Variants in POT1 observed in about 807,000 individuals in gnomAD.
The protein encoded by POT1 is protection of telomeres protein 1.
POT1 carries 47 observed loss-of-function variants against 78.5 expected under a neutral mutation model. The observed-to-expected ratio is 0.60, with a 90% CI of 0.47 to 0.76. The LOEUF (loss-of-function observed/expected upper bound fraction) is 0.76. POT1 is among the 30% of genes least tolerant of loss of function. The pLI, the probability that POT1 is intolerant of heterozygous loss-of-function variation, is 0.00. For synonymous variants in POT1, 259 were observed against 260.7 expected (o/e 0.99, Z 0.06); for missense variants, 646 against 749.9 (o/e 0.86, Z 1.62).
At chr7:124,825,389 G>A in intron 17 of POT1, 32 bp from the exon 18 acceptor site, 5 of 1,341,120 alleles carry the variant, frequency 3.7e-6, no homozygotes, top group Non-Finnish European at 5.3e-6. Context: ...AAAAAAAAAG[G>A]AAATAATATT....
chr7:124,867,747 A>G (rs1453906168), intron 7 of POT1, among the ~76,000 whole-genome samples: 2 of 151,984 alleles, frequency 1.3e-5, no homozygotes, highest in African/African-American at 4.8e-5. Flanking sequence ...CCCGGGTTCA[A>G]GCAATTCTCC....
At chr7:124,911,287 G>T (rs971033692) in intron 3 of POT1, among the ~76,000 whole-genome samples, 22 of 152,080 alleles carry the variant, frequency 1.4e-4, no homozygotes, top group Admixed American at 6.6e-5. Flanking sequence ...GGATTCATTT[G>T]GAGCAATTAA....
intron 3 of POT1, among the ~76,000 whole-genome samples, chr7:124,902,713 T>G (rs995635551): frequency 7.9e-5 from 12 of 152,138 alleles, no homozygotes; most frequent in African/African-American, 2.9e-4. Flanking sequence ...ATGCTCCAAT[T>G]AAAAGACACA....
At chr7:124,845,473 T>C (rs1337254139) in intron 12 of POT1, among the ~76,000 whole-genome samples, 3 of 152,210 alleles carry the variant, frequency 2.0e-5, no homozygotes, top group Non-Finnish European at 4.4e-5. Context: ...TGCTTCTCAG[T>C]GCATCACATC....
At chr7:124,904,239 C>T (rs572669023) in intron 3 of POT1, among the ~76,000 whole-genome samples, 3 of 152,254 alleles carry the variant, frequency 2.0e-5, no homozygotes, top group South Asian at 4.1e-4. Flanking sequence ...ACCAATATCC[C>T]TGATGAACAT....
intron 6 of POT1, among the ~76,000 whole-genome samples, chr7:124,884,203 C>T (rs1483983561): frequency 6.6e-6 from 1 of 152,002 alleles, no homozygotes; most frequent in Non-Finnish European, 1.5e-5. Flanking sequence ...AAACAGCATT[C>T]TAGAGTTAGC....
chr7:124,912,011 T>C (rs1796899688), intron 3 of POT1, among the ~76,000 whole-genome samples: 1 of 152,122 alleles, frequency 6.6e-6, no homozygotes, highest in Non-Finnish European at 1.5e-5. Flanking sequence ...GGGCCAATAA[T>C]TAACTGAAGA....
At chr7:124,925,342 T>C (rs978133944) in intron 2 of POT1, among the ~76,000 whole-genome samples, 3 of 151,952 alleles carry the variant, frequency 2.0e-5, no homozygotes, top group Non-Finnish European at 4.4e-5. Flanking sequence ...AAATCAAGAA[T>C]GCAATCCCAT....
At chr7:124,923,397 A>T (rs925004927) in intron 2 of POT1, among the ~76,000 whole-genome samples, 1 of 151,856 alleles carries the variant, frequency 6.6e-6, no homozygotes, top group African/African-American at 2.4e-5. Context: ...AAAAGATTCA[A>T]TAACAGATTA....
At chr7:124,915,416 T>A (rs554099765) in intron 3 of POT1, among the ~76,000 whole-genome samples, 158 bp downstream of exon 3, 16 of 152,226 alleles carry the variant, frequency 1.1e-4, no homozygotes, top group African/African-American at 3.9e-4. Flanking sequence ...GATGTTTAAG[T>A]CACATAAGTG....
chr7:124,878,967 A>G (rs1415409917), intron 6 of POT1, among the ~76,000 whole-genome samples: 1 of 152,158 alleles, frequency 6.6e-6, no homozygotes, highest in East Asian at 1.9e-4. Flanking sequence ...AAGAAATGAA[A>G]GACAAATATA....
chr7:124,858,288 CTTA>C (rs1795496247), intron 9 of POT1, among the ~76,000 whole-genome samples: 1 of 152,154 alleles, frequency 6.6e-6, no homozygotes, highest in Non-Finnish European at 1.5e-5. Context: ...AAAAGTTACT[CTTA>C]TTATTTACTG....
In POT1 at chr7:124,822,617, C is replaced by T; in HGVS notation, c.*1345G>A. 1 of 438,234 alleles carries T rather than the reference C, an allele frequency of 2.3e-6. No individual in the cohort carries two copies. Among genetic ancestry groups the T allele is most frequent in the Admixed American group, 2.4e-5 (1 of 41,598 alleles). 27.1% of individuals were successfully genotyped at this position (438,234 alleles called of 1,614,324 possible). Reference sequence around the variant, plus strand: ...AGCACATCATCAACACGGAAACACACCTGTTCAACTGTAGGGTTTTAAAAT... The same window carrying T: ...AGCACATCATCAACACGGAAACACATCTGTTCAACTGTAGGGTTTTAAAAT... On this transcript the variant is annotated 3_prime_UTR_variant, in exon 19 of 19. Coordinates refer to ENST00000357628, the MANE Select transcript of POT1 (RefSeq NM_015450.3).
intron 6 of POT1, among the ~76,000 whole-genome samples, chr7:124,889,073 T>G (rs528356396): frequency 4.6e-5 from 7 of 152,064 alleles, no homozygotes; most frequent in South Asian, 2.1e-4. Context: ...TGAGATACAC[T>G]GAAAACTAGG....
chr7:124,891,654 T>A (rs1796374874), intron 6 of POT1, among the ~76,000 whole-genome samples: 1 of 151,654 alleles, frequency 6.6e-6, no homozygotes, highest in South Asian at 2.1e-4. Context: ...ATGCTTTGAT[T>A]CCCTTCTCAT....
At chr7:124,855,943 A>T (rs1795436681) in intron 9 of POT1, among the ~76,000 whole-genome samples, 1 of 152,136 alleles carries the variant, frequency 6.6e-6, no homozygotes, top group South Asian at 2.1e-4. Context: ...GTTTCCAGAC[A>T]AAAGATTTGA....
intron 2 of POT1, among the ~76,000 whole-genome samples, chr7:124,922,674 T>C (rs564348632): frequency 6.6e-6 from 1 of 151,644 alleles, no homozygotes; most frequent in African/African-American, 2.4e-5. Flanking sequence ...ATGGTGAAAA[T>C]AAAATAGAAT....
At chr7:124,873,257 A>G (rs754088639) in intron 6 of POT1, among the ~76,000 whole-genome samples, 3 of 152,032 alleles carry the variant, frequency 2.0e-5, no homozygotes, top group Non-Finnish European at 4.4e-5. Context: ...CTCTTCCCCT[A>G]TGTTTTCTTC....
At chr7:124,912,839 G>A (rs184725760) in intron 3 of POT1, among the ~76,000 whole-genome samples, 1 of 152,198 alleles carries the variant, frequency 6.6e-6, no homozygotes, top group East Asian at 1.9e-4. Flanking sequence ...AGCCAACAGA[G>A]GGCCACAGCC....
Sources: allele counts gnomAD v4.1 joint callset (sites outside exome capture counted in the v4.1 genomes callset), GRCh38; gene constraint gnomAD v4.1.1; transcripts MANE v1.5; gene names NCBI Gene and HGNC (gene_info 2026-07-23, HGNC 2026-07-21).